Variants in LINS1 observed in about 807,000 individuals in gnomAD.
LINS1 encodes lines homolog 1, also known as protein Lines homolog 1.
A neutral mutation model predicts 41.6 loss-of-function variants in LINS1; 27 were observed. That is an observed-to-expected ratio of 0.65 (90% CI 0.48 to 0.89). LINS1 has a LOEUF of 0.89. Ranked by LOEUF, LINS1 falls within the 40% of genes least tolerant of loss-of-function variation. The pLI, the probability that LINS1 is intolerant of heterozygous loss-of-function variation, is 0.00. For missense variants in LINS1, 955 were observed against 884.1 expected (o/e 1.08, Z -1.02); for synonymous variants, 336 against 312.9 (o/e 1.07, Z -0.78).
At chr15:100,592,481 T>C (rs545316772) in intron 1 of LINS1, among the ~76,000 whole-genome samples, 14 of 152,132 alleles carry the variant, frequency 9.2e-5, no homozygotes, top group South Asian at 6.2e-4. Context: ...ACTCTGAGCA[T>C]AGGGCTGATT....
At chr15:100,570,177 C>A in intron 6 of LINS1, 60 bp from the exon 7 acceptor site, 1 of 1,322,468 alleles carries the variant, frequency 7.6e-7, no homozygotes. Context: ...AACAGTTTTA[C>A]CAGATATAAT....
intron 1 of LINS1, among the ~76,000 whole-genome samples, chr15:100,591,155 C>T (rs944437952): frequency 3.3e-5 from 5 of 151,856 alleles, no homozygotes; most frequent in African/African-American, 2.4e-5. Flanking sequence ...CCAGCCTGGG[C>T]GAAAAGAGCA....
Position 100,569,844 on chromosome 15 carries a change from A to G in LINS1, c.1668T>C (p.Ile556=), listed in dbSNP as rs749138744. ...DATESKYDIS[I]CGCVPSLVQD... ...GGACAAGTGAGGGGACACAGCCACA[A>G]ATACTTATGTCATATTTAGATTCAG... The change falls in exon 7 of 7, where the codon ATT becomes ATC. Residue 556 remains isoleucine, a synonymous_variant. Transcript: ENST00000314742. The G allele has an allele frequency of 7.5e-5, 121 of 1,614,108 alleles. No homozygotes were observed. The highest frequency in any genetic ancestry group is 9.9e-5 in the Non-Finnish European group (117 of 1,180,050).
At chr15:100,572,514 C>T (rs7168920) in intron 5 of LINS1, 202,307 of 1,015,158 alleles carry the variant, frequency 0.2, 20,681 homozygotes, top group South Asian at 0.22. Flanking sequence ...AGAAGTACTA[C>T]TATTAAGCAC....
intron 3 of LINS1, among the ~76,000 whole-genome samples, chr15:100,579,300 G>C (rs528503435): frequency 1.3e-5 from 2 of 151,780 alleles, no homozygotes; most frequent in African/African-American, 4.8e-5. Context: ...TCTCCTCTTA[G>C]GTAGACTATA....
chr15:100,590,458 A>T (rs2038985231), intron 1 of LINS1, among the ~76,000 whole-genome samples: 1 of 152,216 alleles, frequency 6.6e-6, no homozygotes, highest in Admixed American at 6.5e-5. Flanking sequence ...TAAAGAGAAC[A>T]TTGCTAGGAG....
chr15:100,569,517 C>T lies in LINS1; in HGVS notation c.1995G>A (p.Gly665=), dbSNP rs1349614049. Residue 665 remains glycine, a synonymous_variant, in exon 7 of 7, where the codon GGG becomes GGA. Coordinates refer to ENST00000314742, the MANE Select transcript of LINS1 (RefSeq NM_001040616.3). ...TAAATTCTTTTTTATCCCTGCTTGT[C>T]CCAGCTGCATCCTGAATCTCCTTAG... The part of the protein sequence containing the change: ...QATKEIQDAA[G]TSRDKKEFSL... 1.2e-6 allele frequency: 2 copies of T among 1,614,044 alleles called. No homozygotes were observed. The highest frequency in any genetic ancestry group is 1.3e-5 in the African/African-American group (1 of 74,906).
rs1055619506 is a variant in LINS1, at chr15:100,572,766, A to C, written c.1223-701T>G. The C allele has an allele frequency of 2.8e-5, 27 of 981,076 alleles. No individual in the cohort carries two copies. The African/African-American group carries it at 4.4e-4, about 16-fold the overall frequency. The allele number at this position is 981,076 out of a possible 1,614,324, so 60.8% of individuals were successfully genotyped here. A position where few individuals can be genotyped will look rare whatever the true frequency, so the allele number is the denominator to read the frequency against. On this transcript the variant is annotated intron_variant, in intron 5 of 6. Transcript: ENST00000314742. ...TCATTTTTCTCAAGTAAAATGGAAGACTTTGAACTCCTGAGTTACTATTCT... is the reference window on the plus strand; with the variant it reads ...TCATTTTTCTCAAGTAAAATGGAAGCCTTTGAACTCCTGAGTTACTATTCT...
At chr15:100,570,779 A>G (rs1178807225) in intron 6 of LINS1, 1 of 152,238 alleles carries the variant, frequency 6.6e-6, no homozygotes, top group Admixed American at 6.5e-5. Context: ...GAGCCAATAA[A>G]TGCTGGCTTT....
chr15:100,567,869 A>G lies in LINS1; in HGVS notation c.*1369T>C, dbSNP rs1438494480. 1 of 152,194 alleles carries G rather than the reference A, an allele frequency of 6.6e-6. No individual in the cohort carries two copies. Among genetic ancestry groups the G allele is most frequent in the African/African-American group, 2.4e-5 (1 of 41,444 alleles). 9.4% of individuals were successfully genotyped at this position (152,194 alleles called of 1,614,324 possible). A position where few individuals can be genotyped will look rare whatever the true frequency, so the allele number is the denominator to read the frequency against. On this transcript the variant is annotated 3_prime_UTR_variant, in exon 7 of 7. Transcript: ENST00000314742. Reference sequence around the variant, plus strand: ...TCTATTTAGCTCCACTGATTTTTCCATGTCTACCTGAATTAAGTACTAAAC... The same window carrying G: ...TCTATTTAGCTCCACTGATTTTTCCGTGTCTACCTGAATTAAGTACTAAAC...
chr15:100,585,512 C>G (rs919516046), intron 1 of LINS1, among the ~76,000 whole-genome samples: 5 of 152,116 alleles, frequency 3.3e-5, no homozygotes, highest in Non-Finnish European at 5.9e-5. Context: ...GAGGTTTGGC[C>G]TTTAAAAATC....
intron 1 of LINS1, among the ~76,000 whole-genome samples, chr15:100,601,540 T>G (rs1282442501): frequency 1.3e-5 from 2 of 152,088 alleles, no homozygotes; most frequent in Non-Finnish European, 2.9e-5. Context: ...GGACAGATAT[T>G]CACACCATAG....
chr15:100,598,342 CG>C (rs1232805249), intron 1 of LINS1, among the ~76,000 whole-genome samples: 1 of 152,016 alleles, frequency 6.6e-6, no homozygotes, highest in Non-Finnish European at 1.5e-5. Context: ...ATTTTAGTAC[CG>C]TTTTGATCTC....
chr15:100,574,525 T>C (rs1314364068), intron 4 of LINS1, among the ~76,000 whole-genome samples: 1 of 152,154 alleles, frequency 6.6e-6, no homozygotes, highest in Non-Finnish European at 1.5e-5. Flanking sequence ...CTGGCCAACA[T>C]GGTAAAACCC....
chr15:100,590,470 C>T (rs1455385395), intron 1 of LINS1, among the ~76,000 whole-genome samples: 1 of 152,202 alleles, frequency 6.6e-6, no homozygotes, highest in Non-Finnish European at 1.5e-5. Flanking sequence ...TGCTAGGAGG[C>T]CTTCAATCTT....
In LINS1 at chr15:100,589,840, T is replaced by C. The variant is rs547344406; in HGVS notation, c.-103-8895A>G. ...CTCCCATGCAAGAGGGCTCATGTTA[T>C]AAAACTAAGTCATTACGCCACAGTG... is the stretch of plus-strand genomic sequence containing the variant. On this transcript the variant is annotated intron_variant, in intron 1 of 6. Coordinates refer to ENST00000314742, the MANE Select transcript of LINS1 (RefSeq NM_001040616.3). Among the ~76,000 whole-genome samples the C allele has an allele frequency of 1.1e-4, 17 of 152,364 alleles. No individual in the cohort carries two copies. The South Asian group carries it at 3.3e-3, about 30-fold the overall frequency.
In LINS1 at chr15:100,573,931, G is replaced by T; in HGVS notation, c.942C>A (p.Asp314Glu). The change falls in exon 5 of 7, where the codon GAC becomes GAA. Residue 314 changes from aspartate (D) to glutamate (E), a missense_variant. Coordinates refer to ENST00000314742, the MANE Select transcript of LINS1 (RefSeq NM_001040616.3). Reference protein sequence around the residue: ...KKCLLCKVGEDLCRGSVPALM... With the variant: ...KKCLLCKVGEELCRGSVPALM... Reference sequence around the variant, plus strand: ...AGGCAGGCACAGATCCACGACAGAGGTCTTCACCCACTTTACAGAGAAGGC... The same window carrying T: ...AGGCAGGCACAGATCCACGACAGAGTTCTTCACCCACTTTACAGAGAAGGC... The T allele has an allele frequency of 1.2e-6, 2 of 1,614,256 alleles. No individual in the cohort carries two copies. Among genetic ancestry groups the T allele is most frequent in the Non-Finnish European group, 1.7e-6 (2 of 1,180,042 alleles).
At chr15:100,582,637 G>A (rs554237889) in intron 1 of LINS1, among the ~76,000 whole-genome samples, 1 of 142,584 alleles carries the variant, frequency 7.0e-6, no homozygotes, top group Admixed American at 6.9e-5. Flanking sequence ...CTTACACTGG[G>A]TCTTCCATCT....
rs146704559 is a variant in LINS1, at chr15:100,575,064, T to C, written c.554A>G (p.Asn185Ser). Residue 185 changes from asparagine (N) to serine (S), a missense_variant, in exon 4 of 7, where the codon AAT becomes AGT. Coordinates refer to ENST00000314742, the MANE Select transcript of LINS1 (RefSeq NM_001040616.3). ...QKNLSEYSESNKAIYCLWTLT... is the reference protein window; with the variant it reads ...QKNLSEYSESSKAIYCLWTLT... ...AGTCCAGAGGCAGTATATTGCTTTA[T>C]TACTCTCAGAGTATTCAGAAAGATT... The C allele has an allele frequency of 2.2e-4, 361 of 1,612,444 alleles. No homozygotes were observed. The highest frequency in any genetic ancestry group is 1.5e-3 in the Middle Eastern group (9 of 6,054).
Sources: gnomAD v4.1 joint callset for allele counts (sites outside exome capture counted in the v4.1 genomes callset) on GRCh38, gnomAD v4.1.1 for gene constraint, MANE v1.5 for transcripts, NCBI Gene and HGNC (gene_info 2026-07-23, HGNC 2026-07-21) for gene names.